Variants in PRKG1 observed in about 807,000 individuals in gnomAD.
The protein encoded by PRKG1 is cGMP-dependent protein kinase 1.
A neutral mutation model predicts 88.1 loss-of-function variants in PRKG1; 35 were observed. That is an observed-to-expected ratio of 0.40 (90% CI 0.30 to 0.53). The LOEUF is 0.53. Ranked by LOEUF, PRKG1 falls within the 20% of genes least tolerant of loss-of-function variation. The pLI is 0.59. For synonymous variants in PRKG1, 303 were observed against 292.5 expected (o/e 1.04, Z -0.37); for missense variants, 540 against 839.8 (o/e 0.64, Z 4.41).
intron 2 of PRKG1, among the ~76,000 whole-genome samples, chr10:51,429,180 A>G (rs910806963): frequency 6.6e-6 from 1 of 152,202 alleles, no homozygotes; most frequent in Non-Finnish European, 1.5e-5. Flanking sequence ...CTGGTCAATC[A>G]CTGGTTGACC....
intron 3 of PRKG1, among the ~76,000 whole-genome samples, chr10:51,763,993 C>T (rs554145383): frequency 5.3e-5 from 8 of 152,298 alleles, no homozygotes; most frequent in African/African-American, 1.7e-4. Flanking sequence ...TTAATCCATT[C>T]ATGAAGTCAG....
chr10:52,228,873 G>A (rs1428631196), intron 9 of PRKG1, among the ~76,000 whole-genome samples: 1 of 152,190 alleles, frequency 6.6e-6, no homozygotes, highest in Non-Finnish European at 1.5e-5. Flanking sequence ...AAATAGCAAT[G>A]AAACACCTGC....
intron 3 of PRKG1, among the ~76,000 whole-genome samples, chr10:51,763,686 A>G (rs1273851769): frequency 3.3e-5 from 5 of 151,734 alleles, no homozygotes; most frequent in African/African-American, 1.2e-4. Flanking sequence ...AATGCTACTT[A>G]TCTTAGTCTT....
chr10:51,253,319 A>T (rs1839473491), intron 2 of PRKG1, among the ~76,000 whole-genome samples: 2 of 152,070 alleles, frequency 1.3e-5, no homozygotes, highest in African/African-American at 2.4e-5. Context: ...ACTACAAATC[A>T]AGATCAGTGT....
chr10:51,091,662 A>C (rs919389140), intron 1 of PRKG1, among the ~76,000 whole-genome samples: 3 of 152,156 alleles, frequency 2.0e-5, no homozygotes, highest in African/African-American at 7.2e-5. Context: ...TGAAGCATTT[A>C]GTTTTGTGCC....
At chr10:51,301,533 A>G (rs972133401) in intron 2 of PRKG1, among the ~76,000 whole-genome samples, 11 of 152,244 alleles carry the variant, frequency 7.2e-5, no homozygotes, top group Admixed American at 5.2e-4. Flanking sequence ...GAATTGGCTT[A>G]TATTTTATTT....
chr10:51,574,864 C>G (rs1442289070), intron 3 of PRKG1, among the ~76,000 whole-genome samples: 1 of 151,884 alleles, frequency 6.6e-6, no homozygotes, highest in African/African-American at 2.4e-5. Flanking sequence ...TGCCTCTTGC[C>G]TATGTGTGTC....
chr10:51,330,989 T>C (rs1421923741), intron 2 of PRKG1, among the ~76,000 whole-genome samples: 1 of 152,110 alleles, frequency 6.6e-6, no homozygotes, highest in African/African-American at 2.4e-5. Flanking sequence ...ACGGTGCTCC[T>C]CATAGTCTCA....
intron 2 of PRKG1, among the ~76,000 whole-genome samples, chr10:51,365,060 A>T (rs1046877008): frequency 1.3e-5 from 2 of 151,944 alleles, no homozygotes; most frequent in Non-Finnish European, 2.9e-5. Flanking sequence ...TGATGAATTT[A>T]AGTCTCTACA....
At chr10:51,736,183 T>C (rs918266061) in intron 3 of PRKG1, among the ~76,000 whole-genome samples, 3 of 152,024 alleles carry the variant, frequency 2.0e-5, no homozygotes, top group Non-Finnish European at 4.4e-5. Flanking sequence ...TGAGTCACCA[T>C]GACTGGGAGT....
chr10:51,311,263 G>A (rs1308973056), intron 2 of PRKG1, among the ~76,000 whole-genome samples: 4 of 152,098 alleles, frequency 2.6e-5, no homozygotes, highest in African/African-American at 9.7e-5. Flanking sequence ...GATTATTTAT[G>A]TGCAAGTTTG....
chr10:51,239,604 C>G (rs998911523), intron 2 of PRKG1, among the ~76,000 whole-genome samples: 2 of 152,144 alleles, frequency 1.3e-5, no homozygotes, highest in Admixed American at 6.6e-5. Context: ...GGCGCACCCC[C>G]CTCAACACTA....
At chr10:51,586,729 T>G (rs1007588386) in intron 3 of PRKG1, among the ~76,000 whole-genome samples, 1 of 152,120 alleles carries the variant, frequency 6.6e-6, no homozygotes, top group African/African-American at 2.4e-5. Context: ...GTGCTATTTT[T>G]CCTACTGTCT....
chr10:51,745,122 A>C (rs762832938), intron 3 of PRKG1, among the ~76,000 whole-genome samples: 6 of 152,220 alleles, frequency 3.9e-5, no homozygotes, highest in Non-Finnish European at 7.3e-5. Flanking sequence ...AATAGAAAGT[A>C]AAAAGTTATA....
chr10:52,128,391 C>T (rs1837160753), intron 7 of PRKG1: 3 of 985,196 alleles, frequency 3.0e-6, no homozygotes, highest in East Asian at 1.1e-4. Context: ...CGCTAGAGTT[C>T]TCTCATAGCC....
intron 1 of PRKG1, among the ~76,000 whole-genome samples, chr10:51,129,733 T>C (rs915465133): frequency 1.4e-4 from 22 of 152,328 alleles, no homozygotes; most frequent in African/African-American, 5.3e-4. Flanking sequence ...TTGGAAAGCA[T>C]TGAATTTGAT....
chr10:51,891,097 CAA>C (rs10716903), intron 4 of PRKG1, among the ~76,000 whole-genome samples: 2 of 151,092 alleles, frequency 1.3e-5, no homozygotes, highest in African/African-American at 2.4e-5. Flanking sequence ...CCCATCTCTA[CAA>C]AAAAAAAATA....
chr10:51,393,477 T>C (rs1214308964), intron 2 of PRKG1, among the ~76,000 whole-genome samples: 1 of 152,194 alleles, frequency 6.6e-6, no homozygotes, highest in Non-Finnish European at 1.5e-5. Context: ...GGCAGCTACA[T>C]GATGAATTTT....
chr10:51,823,958 C>G (rs1406043124), intron 4 of PRKG1, among the ~76,000 whole-genome samples: 1 of 144,210 alleles, frequency 6.9e-6, no homozygotes, highest in African/African-American at 2.6e-5. Context: ...ACTGAAGCCT[C>G]GAACTACTGG....
Sources: allele counts gnomAD v4.1 joint callset (sites outside exome capture counted in the v4.1 genomes callset), GRCh38; gene constraint gnomAD v4.1.1; transcripts MANE v1.5; gene names NCBI Gene and HGNC (gene_info 2026-07-23, HGNC 2026-07-21).